The following SGCZ variants were observed in gnomAD, a reference collection of about 807,000 sequenced individuals.
SGCZ encodes the protein zeta-sarcoglycan.
In SGCZ, 40 loss-of-function variants were observed where a neutral mutation model predicts 41.3. The ratio of observed to expected loss-of-function variants is 0.97; its 90% confidence interval spans 0.75 to 1.26. The LOEUF is 1.26. Ranked by LOEUF, SGCZ falls within the 50% of genes most tolerant of loss-of-function variation. The pLI, the probability that SGCZ is intolerant of heterozygous loss-of-function variation, is 0.00. For synonymous variants in SGCZ, 206 were observed against 137.5 expected (o/e 1.50, Z -3.49); for missense variants, 552 against 369.8 (o/e 1.49, Z -4.04).
chr8:14,577,453 A>T (rs1305713938), intron 1 of SGCZ, among the ~76,000 whole-genome samples: 1 of 148,836 alleles, frequency 6.7e-6, no homozygotes, highest in Non-Finnish European at 1.5e-5. Flanking sequence ...TAGTGGCGCA[A>T]TCTCGGTTCA....
chr8:15,200,358 T>C (rs141664563), intron 1 of SGCZ, among the ~76,000 whole-genome samples: 1 of 152,254 alleles, frequency 6.6e-6, no homozygotes, highest in East Asian at 1.9e-4. Context: ...GCCCTGGGGT[T>C]TTCCATCATG....
intron 1 of SGCZ, among the ~76,000 whole-genome samples, chr8:14,817,758 T>C (rs900473541): frequency 6.6e-6 from 1 of 152,196 alleles, no homozygotes; most frequent in Non-Finnish European, 1.5e-5. Context: ...CTTGCCCATG[T>C]GCGCTCATTG....
intron 5 of SGCZ, among the ~76,000 whole-genome samples, chr8:14,161,816 AAGAG>A (rs1216460139): frequency 1.3e-5 from 2 of 152,140 alleles, no homozygotes; most frequent in Non-Finnish European, 2.9e-5. Flanking sequence ...AAGAAATGAA[AAGAG>A]AGAGCCAGTG....
chr8:15,117,923 T>C (rs1055990931), intron 1 of SGCZ, among the ~76,000 whole-genome samples: 1 of 152,204 alleles, frequency 6.6e-6, no homozygotes, highest in Non-Finnish European at 1.5e-5. Flanking sequence ...GTCTTAAACA[T>C]ACCAGACATG....
At chr8:14,763,781 T>C (rs927839259) in intron 1 of SGCZ, among the ~76,000 whole-genome samples, 4 of 152,180 alleles carry the variant, frequency 2.6e-5, no homozygotes, top group African/African-American at 9.7e-5. Context: ...TAGTTCTACA[T>C]AGCCTCTGCA....
At chr8:14,132,056 C>T (rs1334657534) in intron 5 of SGCZ, among the ~76,000 whole-genome samples, 1 of 152,088 alleles carries the variant, frequency 6.6e-6, no homozygotes, top group Middle Eastern at 3.2e-3. Context: ...CCCCTTTCTT[C>T]TTATTTGACC....
At chr8:14,395,803 C>A (rs1054833778) in intron 2 of SGCZ, among the ~76,000 whole-genome samples, 2 of 152,120 alleles carry the variant, frequency 1.3e-5, no homozygotes, top group African/African-American at 4.8e-5. Context: ...CAGGGGCAAC[C>A]CAAAGTTATC....
intron 1 of SGCZ, among the ~76,000 whole-genome samples, chr8:15,021,696 C>T (rs535692129): frequency 1.3e-5 from 2 of 152,322 alleles, no homozygotes; most frequent in Admixed American, 1.3e-4. Context: ...CACACTTCTC[C>T]AGTGACTTCC....
At chr8:14,270,463 A>G (rs1303788168) in intron 3 of SGCZ, among the ~76,000 whole-genome samples, 1 of 152,222 alleles carries the variant, frequency 6.6e-6, no homozygotes. Context: ...ATGAACCGAT[A>G]CGGCTTCAGT....
chr8:15,228,674 G>A (rs868180745), intron 1 of SGCZ, among the ~76,000 whole-genome samples: 4 of 152,212 alleles, frequency 2.6e-5, no homozygotes, highest in East Asian at 1.9e-4. Context: ...AAATTTGAGA[G>A]CAATAACAAA....
intron 2 of SGCZ, among the ~76,000 whole-genome samples, chr8:14,372,410 T>C (rs1165300681): frequency 6.6e-6 from 1 of 152,162 alleles, no homozygotes; most frequent in East Asian, 1.9e-4. Context: ...GATAATCTTC[T>C]ATGTTCTCAA....
intron 3 of SGCZ, chr8:14,309,762 T>G: frequency 6.5e-7 from 1 of 1,548,508 alleles, no homozygotes; most frequent in Non-Finnish European, 8.8e-7. Flanking sequence ...AAAAGCAGAG[T>G]GGACTGCATT....
chr8:15,115,191 G>A lies in SGCZ; in HGVS notation c.39+122394C>T, dbSNP rs532309744. Among the ~76,000 whole-genome samples the A allele has an allele frequency of 4.6e-5, 7 of 152,328 alleles. No individual in the cohort carries two copies. The East Asian group carries it at 1.4e-3, about 29-fold the overall frequency. On this transcript the variant is annotated intron_variant, in intron 1 of 7. Transcript: ENST00000382080. The stretch of plus-strand genomic sequence containing the variant: ...AGGCACCCTTCCTCTATCTTGTGGT[G>A]TGCTGCCTTCTTTACACATGCCTTC...
At chr8:14,309,754 A>C (rs1348433286) in intron 3 of SGCZ, 1 of 1,574,772 alleles carries the variant, frequency 6.4e-7, no homozygotes, top group African/African-American at 1.3e-5. Context: ...CCTCTTCAAA[A>C]AGCAGAGTGG....
At chr8:14,834,018 T>C (rs773536223) in intron 1 of SGCZ, among the ~76,000 whole-genome samples, 16 of 152,128 alleles carry the variant, frequency 1.1e-4, no homozygotes, top group African/African-American at 1.4e-4. Flanking sequence ...AATAGTATAA[T>C]TGTGTTCTAT....
chr8:15,188,548 C>T (rs560732665), intron 1 of SGCZ, among the ~76,000 whole-genome samples: 1 of 152,078 alleles, frequency 6.6e-6, no homozygotes, highest in Non-Finnish European at 1.5e-5. Context: ...TGACATGATT[C>T]ATTTAACATT....
At chr8:14,739,739 G>C (rs916644003) in intron 1 of SGCZ, among the ~76,000 whole-genome samples, 8 of 151,954 alleles carry the variant, frequency 5.3e-5, no homozygotes, top group Non-Finnish European at 1.0e-4. Context: ...TTCCTCCTAA[G>C]AGTCACAACG....
At chr8:14,772,068 A>G (rs1418640784) in intron 1 of SGCZ, among the ~76,000 whole-genome samples, 1 of 152,136 alleles carries the variant, frequency 6.6e-6, no homozygotes, top group African/African-American at 2.4e-5. Flanking sequence ...CCATAGAACC[A>G]TTCTGTTTTT....
chr8:14,444,116 C>A (rs1800357352), intron 2 of SGCZ, among the ~76,000 whole-genome samples: 1 of 152,092 alleles, frequency 6.6e-6, no homozygotes, highest in South Asian at 2.1e-4. Flanking sequence ...AATGAGATAC[C>A]ATCTCACACT....
Sources: allele counts gnomAD v4.1 joint callset (sites outside exome capture counted in the v4.1 genomes callset), GRCh38; gene constraint gnomAD v4.1.1; transcripts MANE v1.5; gene names NCBI Gene and HGNC (gene_info 2026-07-23, HGNC 2026-07-21).